CEP128: variants seen among roughly 807,000 people sequenced by gnomAD.
CEP128 encodes centrosomal protein 128, also known as centrosomal protein 128kDa.
CEP128 carries 132 observed loss-of-function variants against 156.7 expected under a neutral mutation model. The ratio of observed to expected loss-of-function variants is 0.84; its 90% confidence interval spans 0.73 to 0.97. The LOEUF (loss-of-function observed/expected upper bound fraction) is 0.97, where lower values mean the gene tolerates loss of function less well. Among genes scored for constraint, CEP128 ranks in the 50% least tolerant of loss-of-function variants. The pLI is 0.00. For synonymous variants in CEP128, 469 were observed against 448.9 expected, an observed-to-expected ratio of 1.04 and a Z score of -0.57; for missense variants, 1,252 against 1,281.9, an observed-to-expected ratio of 0.98 and a Z score of 0.36.
At chr14:80,933,478 A>AT (rs942895549) in intron 2 of CEP128, among the ~76,000 whole-genome samples, 2 of 151,926 alleles carry the variant, frequency 1.3e-5, no homozygotes, top group Non-Finnish European at 2.9e-5. Context: ...GAGTCAGCAA[A>AT]TTTTTTTTCT....
At chr14:80,645,765 A>G (rs1457749485) in intron 19 of CEP128, among the ~76,000 whole-genome samples, 1 of 152,196 alleles carries the variant, frequency 6.6e-6, no homozygotes, top group African/African-American at 2.4e-5. Context: ...AAAAATCTGC[A>G]CATGAATGTT....
intron 2 of CEP128, among the ~76,000 whole-genome samples, chr14:80,933,906 T>C (rs192012398): frequency 6.6e-6 from 1 of 152,274 alleles, no homozygotes; most frequent in Non-Finnish European, 1.5e-5. Context: ...GATTAGTAGC[T>C]AGAAAGGAAT....
intron 21 of CEP128, among the ~76,000 whole-genome samples, chr14:80,556,524 G>A (rs1890444202): frequency 1.3e-5 from 2 of 152,186 alleles, no homozygotes; most frequent in African/African-American, 4.8e-5. Flanking sequence ...GGGAAAAGTT[G>A]AGGAAGACGG....
intron 19 of CEP128, among the ~76,000 whole-genome samples, chr14:80,683,072 A>G (rs1896385707): frequency 6.6e-6 from 1 of 152,076 alleles, no homozygotes; most frequent in African/African-American, 2.4e-5. Context: ...ATACAATAGA[A>G]ACTACAAAGC....
chr14:80,925,359 A>C (rs776718806), intron 2 of CEP128, among the ~76,000 whole-genome samples: 3 of 152,166 alleles, frequency 2.0e-5, no homozygotes, highest in African/African-American at 4.8e-5. Context: ...CATGAGAAGT[A>C]GGTGAAAAAC....
chr14:80,581,730 T>A (rs1041701405), intron 19 of CEP128, among the ~76,000 whole-genome samples: 3 of 152,326 alleles, frequency 2.0e-5, no homozygotes, highest in Admixed American at 1.3e-4. Context: ...GGTGTATTTT[T>A]AAAGGGGTTT....
intron 21 of CEP128, among the ~76,000 whole-genome samples, chr14:80,537,446 C>T (rs887803406): frequency 1.3e-5 from 2 of 152,052 alleles, no homozygotes. Context: ...TGTCTTCTTT[C>T]ATATCATTCT....
At chr14:80,788,378 C>A (rs1313124871) in intron 14 of CEP128, among the ~76,000 whole-genome samples, 1 of 135,074 alleles carries the variant, frequency 7.4e-6, no homozygotes, top group African/African-American at 2.7e-5. Flanking sequence ...CTTTTCCAAA[C>A]CTAAGGGGTT....
chr14:80,744,854 AC>A (rs1222557915), intron 18 of CEP128, among the ~76,000 whole-genome samples: 4 of 152,018 alleles, frequency 2.6e-5, no homozygotes, highest in African/African-American at 9.7e-5. Context: ...TGGTTACCCT[AC>A]CCCAAGCACA....
intron 8 of CEP128, among the ~76,000 whole-genome samples, chr14:80,884,144 A>AAGATTTGCTT (rs1888680340): frequency 2.0e-5 from 3 of 152,206 alleles, no homozygotes; most frequent in Admixed American, 2.0e-4. Flanking sequence ...CTGGGGACCA[A>AAGATTTGCTT]ACTCCCCAGG....
At chr14:80,884,219 C>T (rs183441364) in intron 8 of CEP128, among the ~76,000 whole-genome samples, 13 of 152,236 alleles carry the variant, frequency 8.5e-5, no homozygotes, top group African/African-American at 1.4e-4. Flanking sequence ...AAAGCAGAAA[C>T]GGACAAATGG....
intron 2 of CEP128, among the ~76,000 whole-genome samples, chr14:80,953,531 G>C (rs1886513285): frequency 6.6e-6 from 1 of 152,248 alleles, no homozygotes; most frequent in African/African-American, 2.4e-5. Flanking sequence ...GTTGCAGTGA[G>C]CCAAGATCGT....
At chr14:80,538,594 CTCTG>C (rs1013725516) in intron 21 of CEP128, among the ~76,000 whole-genome samples, 34 of 152,198 alleles carry the variant, frequency 2.2e-4, no homozygotes, top group Admixed American at 2.0e-3. Flanking sequence ...CTATCCATCA[CTCTG>C]TCTATCCTTC....
chr14:80,579,933 A>G (rs974640948), intron 20 of CEP128, among the ~76,000 whole-genome samples: 11 of 152,242 alleles, frequency 7.2e-5, no homozygotes, highest in Non-Finnish European at 1.6e-4. Flanking sequence ...TACTGAATTG[A>G]GAGGCTGTAC....
intron 23 of CEP128, among the ~76,000 whole-genome samples, chr14:80,523,848 C>G (rs565508988): frequency 6.6e-6 from 1 of 152,086 alleles, no homozygotes; most frequent in Non-Finnish European, 1.5e-5. Flanking sequence ...TCCTCTAGAC[C>G]AGAGGTTGGA....
At chr14:80,764,368 A>G (rs1019213990) in intron 16 of CEP128, among the ~76,000 whole-genome samples, 8 of 151,832 alleles carry the variant, frequency 5.3e-5, no homozygotes, top group Admixed American at 1.3e-4. Context: ...GCGCGGTGGC[A>G]GGCGCCTGTA....
Position 80,831,221 on chromosome 14 carries a change from CA to C in CEP128, c.1130del (p.Met377ArgfsTer5), listed in dbSNP as rs1885776668. 16 of 1,613,936 alleles carry C rather than the reference CA, an allele frequency of 9.9e-6. No individual in the cohort carries two copies. Among genetic ancestry groups the C allele is most frequent in the Non-Finnish European group, 1.4e-5 (16 of 1,179,854 alleles). On this transcript the variant is annotated frameshift_variant, in exon 13 of 25. Coordinates refer to ENST00000555265, the MANE Select transcript of CEP128 (RefSeq NM_152446.5). LOFTEE classifies it high-confidence loss of function. ...GTTTCACTTCCTCTAACTCAGATGC[CA>C]TTGCGCTGAAGTTCAGCTGCACTCT... ...DLRVQLNFSA[M>X]ASELEEVKRC...
At chr14:80,939,667 A>G (rs1227232705) in intron 1 of CEP128, 127 bp from the exon 2 acceptor site, 1 of 152,266 alleles carries the variant, frequency 6.6e-6, no homozygotes, top group Non-Finnish European at 1.5e-5. Flanking sequence ...AAATGCTCCT[A>G]GAATGATTCA....
In CEP128 at chr14:80,955,773, C is replaced by T. The variant is rs745922510; in HGVS notation, c.-172+2405G>A. The T allele has an allele frequency of 6.2e-7, 1 of 1,614,182 alleles. No homozygotes were observed. The highest frequency in any genetic ancestry group is 1.1e-5 in the South Asian group (1 of 91,080). On this transcript the variant is annotated intron_variant, in intron 2 of 7. Coordinates refer to the CEP128 transcript ENST00000555529. ...GGTGTTCGTCTCCACCCTGCGAGTG[C>T]CATCAGGAGGAGGACTTCAGAGTCA...
Sources: allele counts gnomAD v4.1 joint callset (sites outside exome capture counted in the v4.1 genomes callset), GRCh38; gene constraint gnomAD v4.1.1; transcripts MANE v1.5; gene names NCBI Gene and HGNC (gene_info 2026-07-23, HGNC 2026-07-21).